The following LRMDA variants were observed in gnomAD, a reference collection of about 807,000 sequenced individuals.
LRMDA encodes the protein leucine rich melanocyte differentiation associated, also known as leucine-rich melanocyte differentiation-associated protein.
Under a neutral mutation model 29.8 loss-of-function variants are expected in LRMDA, and 18 were observed. The ratio of observed to expected loss-of-function variants is 0.60; its 90% confidence interval spans 0.42 to 0.90. LRMDA has a LOEUF of 0.90. Ranked by LOEUF, LRMDA falls within the 40% of genes least tolerant of loss-of-function variation. The probability of loss-of-function intolerance (pLI) is 0.00; values close to 1 mark genes in which losing one functional copy is unlikely to be tolerated. For missense variants in LRMDA, 273 were observed against 273.9 expected, an observed-to-expected ratio of 1.00 and a Z score of 0.02; for synonymous variants, 125 against 109.4, an observed-to-expected ratio of 1.14 and a Z score of -0.89.
At chr10:76,030,295 G>A (rs555322891) in intron 2 of LRMDA, among the ~76,000 whole-genome samples, 5 of 152,050 alleles carry the variant, frequency 3.3e-5, no homozygotes, top group African/African-American at 9.6e-5. Context: ...TGACTTGAAT[G>A]GCAGAAAAAT....
chr10:75,547,322 T>C (rs996627074), intron 2 of LRMDA, among the ~76,000 whole-genome samples: 6 of 152,226 alleles, frequency 3.9e-5, no homozygotes, highest in African/African-American at 1.4e-4. Flanking sequence ...AGACCAGGCC[T>C]ATGTGGGAGA....
At chr10:76,378,616 T>C (rs1841549867) in intron 6 of LRMDA, among the ~76,000 whole-genome samples, 1 of 152,152 alleles carries the variant, frequency 6.6e-6, no homozygotes, top group South Asian at 2.1e-4. Context: ...TTGACTGTTT[T>C]TTTTCTACGT....
At chr10:75,460,702 A>G (rs773138614) in intron 2 of LRMDA, among the ~76,000 whole-genome samples, 5 of 152,184 alleles carry the variant, frequency 3.3e-5, no homozygotes, top group Non-Finnish European at 5.9e-5. Context: ...ATCAGCCTGT[A>G]TAAAAGGTCT....
intron 5 of LRMDA, among the ~76,000 whole-genome samples, chr10:76,169,324 A>G (rs943373997): frequency 4.6e-5 from 7 of 152,184 alleles, no homozygotes; most frequent in African/African-American, 1.7e-4. Context: ...TTCATCCTAT[A>G]AGGAAAACAT....
intron 2 of LRMDA, among the ~76,000 whole-genome samples, chr10:75,478,022 C>T (rs1171573140): frequency 1.3e-5 from 2 of 152,222 alleles, no homozygotes; most frequent in Non-Finnish European, 2.9e-5. Context: ...CCGTGGCCCC[C>T]GAGGCACAGC....
chr10:75,439,890 C>T (rs1380386040), intron 2 of LRMDA, among the ~76,000 whole-genome samples: 1 of 152,112 alleles, frequency 6.6e-6, no homozygotes, highest in Non-Finnish European at 1.5e-5. Flanking sequence ...AGGCAAAAGG[C>T]TTCCTTTCCT....
intron 6 of LRMDA, among the ~76,000 whole-genome samples, chr10:76,365,104 A>ATG (rs1841375486): frequency 1.7e-5 from 1 of 58,550 alleles, no homozygotes; most frequent in Non-Finnish European, 4.1e-5. Flanking sequence ...ATATATATAT[A>ATG]TATACACACA....
At chr10:76,030,150 C>A (rs1299784725) in intron 2 of LRMDA, among the ~76,000 whole-genome samples, 1 of 152,134 alleles carries the variant, frequency 6.6e-6, no homozygotes, top group Non-Finnish European at 1.5e-5. Context: ...GTCTCACATA[C>A]CCTAGCCAGA....
chr10:75,738,176 TA>T (rs1314527575), intron 2 of LRMDA, among the ~76,000 whole-genome samples: 1 of 152,040 alleles, frequency 6.6e-6, no homozygotes, highest in Non-Finnish European at 1.5e-5. Flanking sequence ...CTTTTTTTTT[TA>T]AACGTAATTT....
At chr10:75,709,741 G>A (rs1019260736) in intron 2 of LRMDA, among the ~76,000 whole-genome samples, 2 of 151,944 alleles carry the variant, frequency 1.3e-5, no homozygotes, top group African/African-American at 4.8e-5. Flanking sequence ...CCTTCCACTC[G>A]GCCCTTTAAG....
At chr10:76,294,083 T>G (rs2437424) in intron 5 of LRMDA, among the ~76,000 whole-genome samples, 46,499 of 152,104 alleles carry the variant, frequency 0.31, 8,168 homozygotes, top group Non-Finnish European at 0.4. Flanking sequence ...TGTTCTGATA[T>G]TGGCTGTGCT....
chr10:76,025,548 G>A (rs10824355), intron 2 of LRMDA, among the ~76,000 whole-genome samples: 51,881 of 151,538 alleles, frequency 0.34, 9,955 homozygotes, highest in Non-Finnish European at 0.43. Flanking sequence ...TCCATGACTT[G>A]TGCATCATTT....
intron 2 of LRMDA, among the ~76,000 whole-genome samples, chr10:75,549,342 T>C (rs553224981): frequency 6.4e-4 from 98 of 152,294 alleles, no homozygotes; most frequent in African/African-American, 2.2e-3. Context: ...CCTGCACATA[T>C]GAAGGGCTGC....
chr10:76,161,502 G>GAAAC (rs1034510768), intron 5 of LRMDA, among the ~76,000 whole-genome samples: 6 of 152,272 alleles, frequency 3.9e-5, no homozygotes, highest in African/African-American at 1.4e-4. Flanking sequence ...ACAGTTCTGG[G>GAAAC]AAACAAACAA....
At chr10:75,476,252 T>G (rs77287579) in intron 2 of LRMDA, among the ~76,000 whole-genome samples, 5 of 152,158 alleles carry the variant, frequency 3.3e-5, no homozygotes, top group African/African-American at 9.7e-5. Flanking sequence ...GCTTGTGAAC[T>G]TGGGGCCCTA....
At chr10:76,255,803 GGAA>G (rs1852584013) in intron 5 of LRMDA, among the ~76,000 whole-genome samples, 1 of 152,108 alleles carries the variant, frequency 6.6e-6, no homozygotes, top group African/African-American at 2.4e-5. Flanking sequence ...TATACCAAAT[GGAA>G]TAAAATGTAG....
chr10:76,391,645 T>C (rs923732935), intron 6 of LRMDA, among the ~76,000 whole-genome samples: 1 of 152,306 alleles, frequency 6.6e-6, no homozygotes, highest in Non-Finnish European at 1.5e-5. Flanking sequence ...AAAATTATTC[T>C]CCCTTGGTGA....
chr10:76,209,292 T>A (rs1318721469), intron 5 of LRMDA, among the ~76,000 whole-genome samples: 1 of 152,096 alleles, frequency 6.6e-6, no homozygotes, highest in Non-Finnish European at 1.5e-5. Flanking sequence ...CCTGTTCCCC[T>A]CCTCACAGCC....
At chr10:75,616,236 G>T (rs1589136145) in intron 2 of LRMDA, among the ~76,000 whole-genome samples, 2 of 144,394 alleles carry the variant, frequency 1.4e-5, no homozygotes, top group Middle Eastern at 6.8e-3. Context: ...AGTAATAGTA[G>T]CAGTAGCAGC....
Sources: allele counts gnomAD v4.1 joint callset (sites outside exome capture counted in the v4.1 genomes callset), GRCh38; gene constraint gnomAD v4.1.1; transcripts MANE v1.5; gene names NCBI Gene and HGNC (gene_info 2026-07-23, HGNC 2026-07-21).